The following CYB5A variants were observed in gnomAD, a reference collection of about 807,000 sequenced individuals.
CYB5A encodes the protein cytochrome b5.
CYB5A carries 10 observed loss-of-function variants against 16.2 expected under a neutral mutation model. The ratio of observed to expected loss-of-function variants is 0.62; its 90% CI spans 0.38 to 1.04. The LOEUF is 1.04. Ranked by LOEUF, CYB5A falls within the 50% of genes least tolerant of loss-of-function variation. CYB5A has a pLI of 0.01. For synonymous variants in CYB5A, 62 were observed against 57.0 expected, an observed-to-expected ratio of 1.09 and a Z score of -0.40; for missense variants, 161 against 165.9, an observed-to-expected ratio of 0.97 and a Z score of 0.16.
Position 74,263,362 on chromosome 18 carries a change from C to A in CYB5A, c.245G>T (p.Gly82Val), listed in dbSNP as rs1217868888. 1 of 1,613,886 alleles carries A rather than the reference C, an allele frequency of 6.2e-7. No individual in the cohort carries two copies. The highest frequency in any genetic ancestry group is 1.3e-5 in the African/African-American group (1 of 74,882). ...AREMSKTFII[G>V]ELHPDDRPKL... ...AAATGTACTTACTGGATGGAGCTCC[C>A]CAATGATGAATGTTTTGGACATTTC... is the stretch of plus-strand genomic sequence containing the variant. The change falls in exon 2 of 5, where the codon GGG becomes GTG. Residue 82 changes from glycine (G) to valine (V), a missense_variant. Gly to Val is a moderately radical substitution (Grantham distance 109). Coordinates refer to ENST00000340533, the MANE Select transcript of CYB5A (RefSeq NM_148923.4).
intron 1 of CYB5A, among the ~76,000 whole-genome samples, chr18:74,291,520 G>A (rs1983539933): frequency 6.8e-6 from 1 of 147,482 alleles, no homozygotes; most frequent in Middle Eastern, 3.6e-3. Context: ...TCCCAGGTGT[G>A]AGCGCGCAGG....
chr18:74,268,371 C>G (rs147538764), intron 1 of CYB5A, among the ~76,000 whole-genome samples: 8 of 152,146 alleles, frequency 5.3e-5, no homozygotes, highest in Admixed American at 2.6e-4. Flanking sequence ...CGGGGAACAG[C>G]GAATTCAGGA....
At chr18:74,269,605 C>G (rs1166177196) in intron 1 of CYB5A, among the ~76,000 whole-genome samples, 1 of 152,224 alleles carries the variant, frequency 6.6e-6, no homozygotes, top group East Asian at 1.9e-4. Flanking sequence ...AAAATACACT[C>G]CTTCCAGTCT....
intron 1 of CYB5A, among the ~76,000 whole-genome samples, chr18:74,263,698 CA>C (rs1187269543): frequency 6.6e-6 from 1 of 152,082 alleles, no homozygotes; most frequent in Non-Finnish European, 1.5e-5. Context: ...CACTTGGGCC[CA>C]AGTTCAAAGC....
In CYB5A at chr18:74,255,747, C is replaced by A; in HGVS notation, c.317G>T (p.Ser106Ile). ...AAAGAAAGCTACCACATACCTGGAA[C>A]TAGAATCAATAGTAGTGATAAGAGT... Reference protein sequence around the residue: ...PETLITTIDSSSSWWTNWVIP... With the variant: ...PETLITTIDSISSWWTNWVIP... Residue 106 changes from serine to isoleucine, a missense_variant, in exon 4 of 5, where the codon AGT (serine) becomes ATT (isoleucine). Physicochemically the swap from Ser to Ile is moderately radical, Grantham distance 142 (BLOSUM62 -2). Transcript: ENST00000340533. 2 of 1,612,614 alleles carry A rather than the reference C, an allele frequency of 1.2e-6. No individual in the cohort carries two copies. The highest frequency in any genetic ancestry group is 1.1e-5 in the South Asian group (1 of 91,048).
intron 1 of CYB5A, among the ~76,000 whole-genome samples, chr18:74,266,590 G>A (rs1162458109): frequency 2.0e-5 from 3 of 152,114 alleles, no homozygotes; most frequent in Admixed American, 2.0e-4. Flanking sequence ...TCAATTTCAT[G>A]GGGTAATTCC....
chr18:74,260,682 AAAAAGTAGT>A (rs1326079438), intron 3 of CYB5A: 3 of 603,042 alleles, frequency 5.0e-6, no homozygotes, highest in Non-Finnish European at 9.3e-6. Context: ...ATTATGATGA[AAAAAGTAGT>A]TTACTGACAG....
At chr18:74,289,578 C>T (rs1983448959) in intron 1 of CYB5A, among the ~76,000 whole-genome samples, 1 of 152,012 alleles carries the variant, frequency 6.6e-6, no homozygotes, top group African/African-American at 2.4e-5. Context: ...CAGTTCGAGA[C>T]CAACTTGGCC....
rs920135146 is a variant in CYB5A at position 74,253,675 on chromosome 18, C to T, written c.324-10G>A. 6.3e-7 allele frequency: 1 copy of T among 1,599,576 alleles called. No individual in the cohort carries two copies. The highest frequency in any genetic ancestry group is 8.6e-7 in the Non-Finnish European group (1 of 1,167,270). On this transcript the variant is annotated splice_polypyrimidine_tract_variant and intron_variant, in intron 4 of 4. Coordinates refer to ENST00000340533, the MANE Select transcript of CYB5A (RefSeq NM_148923.4). ...CCAGTTGGTCCACCAACTAGAAAGA[C>T]ACAAAAAGCAATGATGCTGACATGA...
At chr18:74,281,429 A>T (rs1283935300) in intron 1 of CYB5A, among the ~76,000 whole-genome samples, 1 of 152,154 alleles carries the variant, frequency 6.6e-6, no homozygotes, top group Non-Finnish European at 1.5e-5. Context: ...CCCTCCAATA[A>T]GGAGGTCGGA....
intron 1 of CYB5A, among the ~76,000 whole-genome samples, chr18:74,267,006 G>A (rs1982465758): frequency 1.3e-5 from 2 of 152,114 alleles, no homozygotes; most frequent in South Asian, 4.1e-4. Context: ...GTGGCTTTTT[G>A]TAATATCTAA....
Position 74,291,916 on chromosome 18 carries a change from T to C in CYB5A, c.-41A>G. The stretch of plus-strand genomic sequence containing the variant: ...GCCAGGCCCAGCACACACAGCCCCG[T>C]CGGGTGGAGCAGAGCGCGCGACTCA... On this transcript the variant is annotated 5_prime_UTR_variant, in exon 1 of 5. Coordinates refer to ENST00000340533, the MANE Select transcript of CYB5A (RefSeq NM_148923.4). 6.2e-7 allele frequency: 1 copy of C among 1,606,584 alleles called. No individual in the cohort carries two copies. Among genetic ancestry groups the C allele is most frequent in the Non-Finnish European group, 8.5e-7 (1 of 1,179,720 alleles).
intron 3 of CYB5A, 149 bp from the exon 4 acceptor site, chr18:74,255,924 C>A: frequency 1.6e-6 from 1 of 640,078 alleles, no homozygotes; most frequent in Non-Finnish European, 2.8e-6. Flanking sequence ...AACTTCTTTT[C>A]ACTAAAATGC....
At position 74,253,218 on chromosome 18, in the gene CYB5A, C is replaced by G. The variant is rs1981830636; in HGVS notation, c.*366G>C. On this transcript the variant is annotated 3_prime_UTR_variant, in exon 5 of 5. Transcript: ENST00000340533. ...GGCCTCTGTGGGTCTGGATGAGTAA[C>G]ACATTGAAGGAATCCTCTAAATAAC... 1 of 311,958 alleles carries G rather than the reference C, an allele frequency of 3.2e-6. No homozygotes were observed. Among genetic ancestry groups the G allele is most frequent in the Admixed American group, 4.8e-5 (1 of 20,804 alleles). The allele number at this position is 311,958 out of a possible 1,614,324, so 19.3% of individuals were successfully genotyped here.
At chr18:74,254,411 A>G (rs1981886916) in intron 4 of CYB5A, among the ~76,000 whole-genome samples, 1 of 152,072 alleles carries the variant, frequency 6.6e-6, no homozygotes, top group Non-Finnish European at 1.5e-5. Context: ...CAAAAAAAAA[A>G]AAAAAAAAGC....
chr18:74,274,880 T>C (rs1227739275), intron 1 of CYB5A, among the ~76,000 whole-genome samples: 1 of 152,240 alleles, frequency 6.6e-6, no homozygotes, highest in Non-Finnish European at 1.5e-5. Context: ...TCTGGCTCAA[T>C]TGACAGCAGA....
At chr18:74,279,848 CAATA>C (rs1345652116) in intron 1 of CYB5A, among the ~76,000 whole-genome samples, 1 of 152,284 alleles carries the variant, frequency 6.6e-6, no homozygotes, top group Non-Finnish European at 1.5e-5. Flanking sequence ...CTTATTCAAT[CAATA>C]AATAACTATT....
At chr18:74,257,118 A>G in intron 3 of CYB5A, 1 of 464,286 alleles carries the variant, frequency 2.2e-6, no homozygotes, top group Non-Finnish European at 3.8e-6. Context: ...TTGTCAAACT[A>G]GAAAGTTAAG....
Position 74,270,103 on chromosome 18 carries a change from G to A in CYB5A, c.130-6626C>T, listed in dbSNP as rs182854148. Among the ~76,000 whole-genome samples, 6 of 151,910 alleles carry A rather than the reference G, an allele frequency of 3.9e-5. No individual in the cohort carries two copies. The East Asian group carries it at 1.2e-3, about 30-fold the overall frequency. ...GTCATGGCCGCACAGCCTCTGGCAGGCCCTCAAGCTGGCCACACTCGGTCC... is the reference window on the plus strand; with the variant it reads ...GTCATGGCCGCACAGCCTCTGGCAGACCCTCAAGCTGGCCACACTCGGTCC... On this transcript the variant is annotated intron_variant, in intron 1 of 4. Coordinates refer to ENST00000340533, the MANE Select transcript of CYB5A (RefSeq NM_148923.4).
Sources: gnomAD v4.1 joint callset for allele counts (sites outside exome capture counted in the v4.1 genomes callset) on GRCh38, gnomAD v4.1.1 for gene constraint, MANE v1.5 for transcripts, NCBI Gene and HGNC (gene_info 2026-07-23, HGNC 2026-07-21) for gene names.